The following PHACTR2 variants were observed in gnomAD, a reference collection of about 807,000 sequenced individuals.
PHACTR2 encodes chromosome 6 open reading frame 56.
Under a neutral mutation model 76.0 loss-of-function variants are expected in PHACTR2, and 30 were observed. The observed-to-expected ratio is 0.39, with a 90% CI of 0.30 to 0.54. The LOEUF is 0.54. Ranked by LOEUF, PHACTR2 falls within the 20% of genes least tolerant of loss-of-function variation. The probability of loss-of-function intolerance (pLI) is 0.61; values close to 1 mark genes in which losing one functional copy is unlikely to be tolerated. For missense variants in PHACTR2, 696 were observed against 781.1 expected (o/e 0.89, Z 1.30); for synonymous variants, 292 against 292.5 (o/e 1.00, Z 0.02).
Position 143,800,358 on chromosome 6 carries a change from G to T in PHACTR2, c.1846-6699G>T, listed in dbSNP as rs9376788. ...CTCACAGCAAGCTCCGCCTCCCAGG[G>T]TCACCCTATTCTCCTGCCTCAGCCT... On this transcript the variant is annotated intron_variant, in intron 11 of 12. Transcript: ENST00000440869. The surrounding 1 kb of genome is among the most constrained non-coding windows in gnomAD (Gnocchi z 4.8). Among the ~76,000 whole-genome samples the T allele has an allele frequency of 0.62, 94,052 of 151,964 alleles. 29,214 individuals carry two copies. The highest frequency in any genetic ancestry group is 0.69 in the East Asian group (3,543 of 5,160).
chr6:143,756,591 C>T (rs371662653), intron 4 of PHACTR2, among the ~76,000 whole-genome samples: 2 of 150,608 alleles, frequency 1.3e-5, no homozygotes, highest in Non-Finnish European at 3.0e-5. Flanking sequence ...CCCAGCTACT[C>T]GGGAGGCTGA....
intron 1 of PHACTR2, among the ~76,000 whole-genome samples, chr6:143,615,191 A>G (rs774955149): frequency 6.6e-6 from 1 of 152,338 alleles, no homozygotes; most frequent in South Asian, 2.1e-4. Context: ...AGCTCACCCA[A>G]TAAATAAGCC....
chr6:143,550,846 C>G lies in PHACTR2; in HGVS notation c.217+13639C>G, dbSNP rs1256748741. Among the ~76,000 whole-genome samples, 1 of 152,000 alleles carries G rather than the reference C, an allele frequency of 6.6e-6. No homozygotes were observed. The highest frequency in any genetic ancestry group is 1.5e-5 in the Non-Finnish European group (1 of 67,978). ...TTGAGCCCAGGGGTTCGAGATCAGC[C>G]TGGGCAACATGGTGAAACCCCATCT... On this transcript the variant is annotated intron_variant, in intron 1 of 11. Coordinates refer to the PHACTR2 transcript ENST00000367584. This position sits in a 1 kb window ranked among gnomAD's most constrained non-coding sequence, Gnocchi z 4.8.
chr6:143,631,410 T>A lies in PHACTR2; in HGVS notation c.13+23088T>A, dbSNP rs1776361259. 2.0e-5 allele frequency among the ~76,000 whole-genome samples: 3 copies of A among 152,072 alleles called. No homozygotes were observed. In the South Asian group the frequency reaches 6.2e-4, roughly 32 times the overall value. ...GGTCTCACTGTGCTGCCCAGTCTGG[T>A]CTTAAACTCATGGCCTCAGACAATC... On this transcript the variant is annotated intron_variant, in intron 1 of 11. Transcript: ENST00000305766.
rs1311655444 is a variant in PHACTR2, at chr6:143,562,755, G to A, written c.217+25548G>A. 6.6e-6 allele frequency among the ~76,000 whole-genome samples: 1 copy of A among 152,128 alleles called. No homozygotes were observed. Among genetic ancestry groups the A allele is most frequent in the African/African-American group, 2.4e-5 (1 of 41,420 alleles). ...GATCATCCACAGTTATTCCTAAAAGGTAATGAGTAGTTGAATTAACAAAAT... is the reference window on the plus strand; with the variant it reads ...GATCATCCACAGTTATTCCTAAAAGATAATGAGTAGTTGAATTAACAAAAT... On this transcript the variant is annotated intron_variant, in intron 1 of 11. Transcript: ENST00000367584. The surrounding 1 kb of genome is among the most constrained non-coding windows in gnomAD (Gnocchi z 5.1).
rs750757861 is a variant in PHACTR2, at chr6:143,712,003, T to C, written c.47-13T>C. 6.2e-7 allele frequency: 1 copy of C among 1,600,392 alleles called. No homozygotes were observed. The highest frequency in any genetic ancestry group is 1.7e-5 in the Admixed American group (1 of 58,284). On this transcript the variant is annotated splice_polypyrimidine_tract_variant and intron_variant, in intron 1 of 12. Transcript: ENST00000440869. ...TTTACAACCTTTCTCTGTCTATATC[T>C]TTCTTTATACAGTTGACGGACTGGA... is the stretch of plus-strand genomic sequence containing the variant.
At chr6:143,600,110 G>A (rs115946216) in intron 1 of PHACTR2, among the ~76,000 whole-genome samples, 2,441 of 152,294 alleles carry the variant, frequency 0.016, 64 homozygotes, top group African/African-American at 0.055. Context: ...CCCGCCGTCC[G>A]GCCGGCATGA....
At chr6:143,814,595 CTTTTTTTTTTT>C (rs61652528) in intron 12 of PHACTR2, among the ~76,000 whole-genome samples, 1 of 108,416 alleles carries the variant, frequency 9.2e-6, no homozygotes, top group African/African-American at 3.7e-5. Context: ...GACATACACA[CTTTTTTTTTTT>C]TTTTTTTTTT....
At position 143,671,845 on chromosome 6, in the gene PHACTR2, A is replaced by G. The variant is rs1777158314; in HGVS notation, c.14-40171A>G. On this transcript the variant is annotated intron_variant, in intron 1 of 11. Transcript: ENST00000305766. The surrounding 1 kb of genome is among the most constrained non-coding windows in gnomAD (Gnocchi z 4.6). ...CATCCCAAATGCCCATTAACTGGTA[A>G]ACAGATAAACAAACTTTTGTATAGC... is the stretch of plus-strand genomic sequence containing the variant. 6.6e-6 allele frequency among the ~76,000 whole-genome samples: 1 copy of G among 152,238 alleles called. No individual in the cohort carries two copies. Among genetic ancestry groups the G allele is most frequent in the Admixed American group, 6.5e-5 (1 of 15,284 alleles).
intron 1 of PHACTR2, among the ~76,000 whole-genome samples, chr6:143,690,141 CT>C (rs1261955244): frequency 6.6e-6 from 1 of 152,212 alleles, no homozygotes; most frequent in Non-Finnish European, 1.5e-5. Context: ...TTTTTGTTAG[CT>C]TGCTAAGTGT....
chr6:143,663,598 A>T lies in PHACTR2; in HGVS notation c.14-48418A>T, dbSNP rs1776980484. ...TAAATATAGCTCTAATTACCACATT[A>T]GCTTAATTCTACATGTTTTATAGTG... On this transcript the variant is annotated intron_variant, in intron 1 of 11. Coordinates refer to the PHACTR2 transcript ENST00000305766. The surrounding 1 kb of genome is among the most constrained non-coding windows in gnomAD (Gnocchi z 4.1). Among the ~76,000 whole-genome samples the T allele has an allele frequency of 6.6e-6, 1 of 152,142 alleles. No individual in the cohort carries two copies. The highest frequency in any genetic ancestry group is 1.5e-5 in the Non-Finnish European group (1 of 68,024).
chr6:143,570,382 T>C lies in PHACTR2; in HGVS notation c.217+33175T>C, dbSNP rs1775433620. On this transcript the variant is annotated intron_variant, in intron 1 of 11. Coordinates refer to the PHACTR2 transcript ENST00000367584. The surrounding 1 kb of genome is among the most constrained non-coding windows in gnomAD (Gnocchi z 4.6). ...TCTTATGCAGGGTTTGTACTTCGGC[T>C]TCTCTCACTGTGCTGGAGATTAAAA... Among the ~76,000 whole-genome samples the C allele has an allele frequency of 6.6e-6, 1 of 152,242 alleles. No individual in the cohort carries two copies. Among genetic ancestry groups the C allele is most frequent in the African/African-American group, 2.4e-5 (1 of 41,464 alleles).
In PHACTR2 at chr6:143,783,373, T is replaced by C. The variant is rs945860087; in HGVS notation, c.1707+93T>C. On this transcript the variant is annotated intron_variant, in intron 10 of 12. Transcript: ENST00000440869. The surrounding 1 kb of genome is among the most constrained non-coding windows in gnomAD (Gnocchi z 5.2). ...CCTCTCTGTATGTGTAAATCAGATG[T>C]TTAGAAATAATTATTCCTATTAGTC... is the stretch of plus-strand genomic sequence containing the variant. 9.8e-6 allele frequency: 7 copies of C among 715,926 alleles called. No individual in the cohort carries two copies. The highest frequency in any genetic ancestry group is 1.8e-5 in the South Asian group (1 of 55,422). 44.3% of individuals were successfully genotyped at this position (715,926 alleles called of 1,614,324 possible). A position where few individuals can be genotyped will look rare whatever the true frequency, so the allele number is the denominator to read the frequency against.
In PHACTR2 at chr6:143,829,010, C is replaced by T. The variant is rs905914972; in HGVS notation, c.*5321C>T. Reference sequence around the variant, plus strand: ...CTGCTGCCTTGCATTTCTTTGGGCCCTGAATGGTTTTTCTCCCTTCATTTT... The same window carrying T: ...CTGCTGCCTTGCATTTCTTTGGGCCTTGAATGGTTTTTCTCCCTTCATTTT... On this transcript the variant is annotated 3_prime_UTR_variant, in exon 13 of 13. Transcript: ENST00000440869. 6.6e-6 allele frequency: 1 copy of T among 152,066 alleles called. No individual in the cohort carries two copies. Among genetic ancestry groups the T allele is most frequent in the Non-Finnish European group, 1.5e-5 (1 of 68,026 alleles). The allele number at this position is 152,066 out of a possible 1,614,324, so 9.4% of individuals were successfully genotyped here.
At chr6:143,727,201 A>G (rs545418445) in intron 2 of PHACTR2, among the ~76,000 whole-genome samples, 51 of 152,160 alleles carry the variant, frequency 3.4e-4, no homozygotes, top group Non-Finnish European at 5.6e-4. Flanking sequence ...GAGTAAGAAC[A>G]TGTATTTGTC....
At position 143,598,310 on chromosome 6, in the gene PHACTR2, A is replaced by G. The variant is rs973243997; in HGVS notation, c.217+61103A>G. ...AGGAGAAGGCAATGTGACAATGAAG[A>G]CAAATTTTGGAGCAATGAGGCTGTA... On this transcript the variant is annotated intron_variant, in intron 1 of 11. Transcript: ENST00000367584. This position sits in a 1 kb window ranked among gnomAD's most constrained non-coding sequence, Gnocchi z 4.1. Among the ~76,000 whole-genome samples the G allele has an allele frequency of 2.0e-5, 3 of 152,120 alleles. No homozygotes were observed. The highest frequency in any genetic ancestry group is 4.8e-5 in the African/African-American group (2 of 41,386).
At position 143,648,184 on chromosome 6, in the gene PHACTR2, G is replaced by A. The variant is rs1007726483; in HGVS notation, c.13+39862G>A. On this transcript the variant is annotated intron_variant, in intron 1 of 11. Transcript: ENST00000305766. The surrounding 1 kb of genome is among the most constrained non-coding windows in gnomAD (Gnocchi z 6.7). ...AGTGCAAGAATACAGACAGCATCCT[G>A]TTAAGGACCGCAGTGTTTTCTGCAA... Among the ~76,000 whole-genome samples the A allele has an allele frequency of 2.0e-5, 3 of 152,152 alleles. No individual in the cohort carries two copies. Among genetic ancestry groups the A allele is most frequent in the Non-Finnish European group, 4.4e-5 (3 of 68,028 alleles).
chr6:143,575,778 G>A (rs9496680), intron 1 of PHACTR2, among the ~76,000 whole-genome samples: 100,838 of 151,978 alleles, frequency 0.66, 33,948 homozygotes, highest in Middle Eastern at 0.74. Flanking sequence ...TTATTGAACC[G>A]TTTTGTTAAG....
intron 1 of PHACTR2, among the ~76,000 whole-genome samples, chr6:143,670,267 C>A (rs1777129163): frequency 6.6e-6 from 1 of 152,096 alleles, no homozygotes; most frequent in South Asian, 2.1e-4. Context: ...TCTCTGGCTG[C>A]CCTTAACATT....
Sources: gnomAD v4.1 joint callset for allele counts (sites outside exome capture counted in the v4.1 genomes callset) on GRCh38, gnomAD v4.1.1 for gene constraint, Gnocchi (gnomAD v3.1) non-coding constraint, MANE v1.5 for transcripts, NCBI Gene and HGNC (gene_info 2026-07-23, HGNC 2026-07-21) for gene names.